The following PAX7 variants were observed in gnomAD, a reference collection of about 807,000 sequenced individuals.
PAX7 encodes paired box 7, also known as paired box protein Pax-7.
PAX7 carries 18 observed loss-of-function variants against 50.7 expected under a neutral mutation model. That is an observed-to-expected ratio of 0.36 (90% CI 0.25 to 0.53). The LOEUF (loss-of-function observed/expected upper bound fraction) is 0.53. Ranked by LOEUF, PAX7 falls within the 20% of genes least tolerant of loss-of-function variation. PAX7 has a pLI of 0.93. For missense variants in PAX7, 644 were observed against 702.9 expected (o/e 0.92, Z 0.95); for synonymous variants, 310 against 290.4 (o/e 1.07, Z -0.69).
chr1:18,691,124 T>G (rs369351827), intron 4 of PAX7, among the ~76,000 whole-genome samples: 3 of 152,176 alleles, frequency 2.0e-5, no homozygotes, highest in East Asian at 3.8e-4. Context: ...ACTACAGGCA[T>G]GCACTTCCAC....
In PAX7 at chr1:18,669,356, T is replaced by G. The variant is rs559302901; in HGVS notation, c.587-22398T>G. ...AGCTGGTGTCCCGAGTCAGTGGCCT[T>G]AGGATTTAGCAAAAACAGTGACCAT... On this transcript the variant is annotated intron_variant, in intron 4 of 8. Coordinates refer to ENST00000420770, the MANE Select transcript of PAX7 (RefSeq NM_001135254.2). Among the ~76,000 whole-genome samples, 3 of 152,260 alleles carry G rather than the reference T, an allele frequency of 2.0e-5. No individual in the cohort carries two copies. In the South Asian group the frequency reaches 6.2e-4, roughly 32 times the overall value.
rs1931431628 is a variant in PAX7, at chr1:18,746,192, C to T, written c.*1263C>T. 1 of 231,578 alleles carries T rather than the reference C, an allele frequency of 4.3e-6. No individual in the cohort carries two copies. The highest frequency in any genetic ancestry group is 5.6e-5 in the Admixed American group (1 of 17,726). The allele number at this position is 231,578 out of a possible 1,614,324, so 14.3% of individuals were successfully genotyped here. ...ATGTTGTTAGGGGCAAATTGCTGTC[C>T]TGCTCAGAGTGGCATCTTTCAATGT... On this transcript the variant is annotated 3_prime_UTR_variant, in exon 9 of 9. Coordinates refer to ENST00000420770, the MANE Select transcript of PAX7 (RefSeq NM_001135254.2).
chr1:18,725,414 C>G (rs1268029380), intron 7 of PAX7, among the ~76,000 whole-genome samples: 1 of 152,034 alleles, frequency 6.6e-6, no homozygotes, highest in Non-Finnish European at 1.5e-5. Context: ...CCTCCCTCCC[C>G]TCTCCTTCCT....
chr1:18,689,566 G>A (rs1183184782), intron 4 of PAX7, among the ~76,000 whole-genome samples: 10 of 152,118 alleles, frequency 6.6e-5, no homozygotes, highest in Non-Finnish European at 1.0e-4. Context: ...CACCATCAGA[G>A]ACCACCTGGC....
chr1:18,720,395 C>A (rs2089479146), intron 7 of PAX7, among the ~76,000 whole-genome samples: 1 of 152,144 alleles, frequency 6.6e-6, no homozygotes, highest in African/African-American at 2.4e-5. Context: ...TCAGCCAACA[C>A]CCAGCTAGAC....
At chr1:18,695,901 G>A (rs771742503) in intron 5 of PAX7, among the ~76,000 whole-genome samples, 2 of 152,010 alleles carry the variant, frequency 1.3e-5, no homozygotes, top group African/African-American at 4.8e-5. Context: ...AGTGTACAAC[G>A]CCTCTTTACT....
rs181513092 is a variant in PAX7, at chr1:18,689,706, G to A, written c.587-2048G>A. On this transcript the variant is annotated intron_variant, in intron 4 of 8. Coordinates refer to ENST00000420770, the MANE Select transcript of PAX7 (RefSeq NM_001135254.2). ...AGGCGCATGACCTCTCACACATCCG[G>A]GCCATACCCACCAGCTTCCTGGCTA... Among the ~76,000 whole-genome samples, 400 of 152,300 alleles carry A rather than the reference G, an allele frequency of 2.6e-3. 2 individuals carry two copies. Among genetic ancestry groups the A allele is most frequent in the African/African-American group, 9.2e-3 (382 of 41,564 alleles).
chr1:18,640,390 G>T (rs955330973), intron 4 of PAX7, among the ~76,000 whole-genome samples: 1 of 151,118 alleles, frequency 6.6e-6, no homozygotes, highest in Non-Finnish European at 1.5e-5. Context: ...GGGAAGGGGG[G>T]CACGGCTCCC....
At position 18,745,182 on chromosome 1, in the gene PAX7, C is replaced by T. The variant is rs1302115930; in HGVS notation, c.*253C>T. On this transcript the variant is annotated 3_prime_UTR_variant, in exon 9 of 9. Coordinates refer to ENST00000420770, the MANE Select transcript of PAX7 (RefSeq NM_001135254.2). ...GGGTTTCTGGTCAGCCTGAGGTCCT[C>T]CCCTGTCAAATCCCATGGTGGCCTC... 8 of 524,108 alleles carry T rather than the reference C, an allele frequency of 1.5e-5. No individual in the cohort carries two copies. In the East Asian group the frequency reaches 2.6e-4, roughly 17 times the overall value. The allele number at this position is 524,108 out of a possible 1,614,324, so 32.5% of individuals were successfully genotyped here. A position where few individuals can be genotyped will look rare whatever the true frequency, so the allele number is the denominator to read the frequency against.
chr1:18,671,844 G>T (rs1200033419), intron 4 of PAX7, among the ~76,000 whole-genome samples: 1 of 151,864 alleles, frequency 6.6e-6, no homozygotes, highest in Non-Finnish European at 1.5e-5. Context: ...AGGCATGGTG[G>T]TGCCCACCTG....
chr1:18,716,459 C>T (rs2089421052), intron 7 of PAX7, among the ~76,000 whole-genome samples: 1 of 152,000 alleles, frequency 6.6e-6, no homozygotes, highest in South Asian at 2.1e-4. Flanking sequence ...AGAACTTTCT[C>T]TTGGGCTCAG....
rs557966753 is a variant in PAX7, at chr1:18,706,972, A to T, written c.1155+3676A>T. Among the ~76,000 whole-genome samples the T allele has an allele frequency of 1.3e-3, 204 of 152,324 alleles. 4 individuals are homozygous for T. Among genetic ancestry groups the T allele is most frequent in the Middle Eastern group, 3.4e-3 (1 of 294 alleles). On this transcript the variant is annotated intron_variant, in intron 7 of 8. Transcript: ENST00000420770. ...CCCTTGTCTCAAACCCAGCCTGGGA[A>T]GTGGGGACCACAGAACATCAAGGAC...
Position 18,636,661 on chromosome 1 carries a change from C to G in PAX7, c.586+290C>G, listed in dbSNP as rs1053389959. Among the ~76,000 whole-genome samples the G allele has an allele frequency of 1.3e-5, 2 of 152,092 alleles. No individual in the cohort carries two copies. Among genetic ancestry groups the G allele is most frequent in the African/African-American group, 4.8e-5 (2 of 41,440 alleles). On this transcript the variant is annotated intron_variant, in intron 4 of 8. Coordinates refer to ENST00000420770, the MANE Select transcript of PAX7 (RefSeq NM_001135254.2). The surrounding 1 kb of genome is among the most constrained non-coding windows in gnomAD (Gnocchi z 5.1). Reference sequence around the variant, plus strand: ...CCGGCTGCGGGGCTGCGCGCCTGGTCTACCCCAATACTGCGGGGAGTGCGT... The same window carrying G: ...CCGGCTGCGGGGCTGCGCGCCTGGTGTACCCCAATACTGCGGGGAGTGCGT...
chr1:18,653,531 CA>C (rs1447587366), intron 4 of PAX7, among the ~76,000 whole-genome samples: 13 of 151,948 alleles, frequency 8.6e-5, no homozygotes, highest in Non-Finnish European at 1.2e-4. Context: ...AGAATGTGTT[CA>C]GGGGTCTGTG....
intron 3 of PAX7, 76 bp downstream of exon 3, chr1:18,635,316 G>C: frequency 3.9e-6 from 6 of 1,532,870 alleles, no homozygotes; most frequent in Non-Finnish European, 5.3e-6. Flanking sequence ...GGAGGTGGGA[G>C]AGAGGGGAGA....
chr1:18,673,103 G>A (rs988010837), intron 4 of PAX7, among the ~76,000 whole-genome samples: 4 of 152,112 alleles, frequency 2.6e-5, no homozygotes, highest in African/African-American at 9.7e-5. Context: ...CGTGGGTTCC[G>A]ACTCCCGATG....
rs1384366928 is a variant in PAX7 at position 18,631,281 on chromosome 1, T to G, written c.-323T>G. The G allele has an allele frequency of 3.7e-6, 1 of 271,602 alleles. No homozygotes were observed. Among genetic ancestry groups the G allele is most frequent in the African/African-American group, 2.2e-5 (1 of 46,494 alleles). The allele number at this position is 271,602 out of a possible 1,614,324, so 16.8% of individuals were successfully genotyped here. On this transcript the variant is annotated 5_prime_UTR_variant, in exon 1 of 9. Transcript: ENST00000420770. ...TGGTCTCCGGGTTCTGCCAGGCGCA[T>G]CAGCCCGCACAACTTCTGGCCGAGG...
At chr1:18,732,645 G>A (rs780006221) in intron 7 of PAX7, among the ~76,000 whole-genome samples, 1 of 152,220 alleles carries the variant, frequency 6.6e-6, no homozygotes, top group African/African-American at 2.4e-5. Context: ...GCAGCTAGAG[G>A]TCTGGTCACT....
rs1306183777 is a variant in PAX7, at chr1:18,726,189, C to G, written c.1156-9443C>G. ...GTGTGTGTGTGTGTGTCTTTGACTT[C>G]TTGGACAATGAGTGGAAAGCCATTC... On this transcript the variant is annotated intron_variant, in intron 7 of 8. Coordinates refer to ENST00000420770, the MANE Select transcript of PAX7 (RefSeq NM_001135254.2). The surrounding 1 kb of genome is among the most constrained non-coding windows in gnomAD (Gnocchi z 4.8). 6.8e-6 allele frequency among the ~76,000 whole-genome samples: 1 copy of G among 147,350 alleles called. No homozygotes were observed. The highest frequency in any genetic ancestry group is 1.5e-5 in the Non-Finnish European group (1 of 67,486).
Sources: gnomAD v4.1 joint callset for allele counts (sites outside exome capture counted in the v4.1 genomes callset) on GRCh38, gnomAD v4.1.1 for gene constraint, Gnocchi (gnomAD v3.1) non-coding constraint, MANE v1.5 for transcripts, NCBI Gene and HGNC (gene_info 2026-07-23, HGNC 2026-07-21) for gene names.